Variants in PRIM2 observed in about 807,000 individuals in gnomAD.
PRIM2 encodes the protein DNA primase large subunit.
Under a neutral mutation model 67.3 loss-of-function variants are expected in PRIM2, and 39 were observed. The ratio of observed to expected loss-of-function variants is 0.58; its 90% confidence interval spans 0.45 to 0.76. The LOEUF is 0.76. Among genes scored for constraint, PRIM2 ranks in the 30% least tolerant of loss-of-function variants. PRIM2 has a pLI of 0.00. For synonymous variants in PRIM2, 143 were observed against 198.7 expected, an observed-to-expected ratio of 0.72 and a Z score of 2.36; for missense variants, 398 against 598.7, an observed-to-expected ratio of 0.66 and a Z score of 3.50.
upstream of PRIM2, among the ~76,000 whole-genome samples, chr6:57,312,718 C>T (rs1257331902): frequency 1.3e-5 from 2 of 152,194 alleles, no homozygotes; most frequent in East Asian, 3.8e-4. Flanking sequence ...CATTATCCAT[C>T]TCCAGAACTG....
chr6:57,293,264 T>A, the PRIM2 span, among the ~76,000 whole-genome samples: 1 of 152,158 alleles, frequency 6.6e-6, no homozygotes, highest in Non-Finnish European at 1.5e-5. Context: ...ATTAGAGAAA[T>A]GCAAATCAAA....
Position 57,382,052 on chromosome 6 carries a change from G to T in PRIM2, c.577G>T (p.Asp193Tyr). ...TCAGATCCCTTTTGCTGATGCTCTG[G>T]ATTTGTTTCGAGGAAGGAAAGTCTA... is the stretch of plus-strand genomic sequence containing the variant. ...IYKIPFADALDLFRGRKVYLE... is the reference protein window; with the variant it reads ...IYKIPFADALYLFRGRKVYLE... The change falls in exon 7 of 14, where the codon GAT becomes TAT. Residue 193 changes from aspartate to tyrosine, a missense_variant. By Grantham distance (160) the Asp-to-Tyr change is radical (BLOSUM62 -3). This residue lies in a region of PRIM2 where 229 missense variants were observed against 383.6 expected (regional missense o/e 0.60). Coordinates refer to ENST00000615550, the MANE Select transcript of PRIM2 (RefSeq NM_000947.5). 6.2e-7 allele frequency: 1 copy of T among 1,611,454 alleles called. No individual in the cohort carries two copies. Among genetic ancestry groups the T allele is most frequent in the Non-Finnish European group, 8.5e-7 (1 of 1,178,520 alleles).
chr6:57,450,066 C>T (rs1381145851), intron 7 of PRIM2, among the ~76,000 whole-genome samples: 21 of 152,064 alleles, frequency 1.4e-4, no homozygotes, highest in Non-Finnish European at 3.1e-4. Context: ...AAAATTTATA[C>T]AATCTTTAAA....
At chr6:57,342,557 C>T (rs549482396) in intron 5 of PRIM2, among the ~76,000 whole-genome samples, 1 of 152,270 alleles carries the variant, frequency 6.6e-6, no homozygotes, top group Non-Finnish European at 1.5e-5. Context: ...TTTTTAAAAC[C>T]TCCTTAAGAC....
At chr6:57,383,821 TA>T (rs1394715758) in intron 7 of PRIM2, among the ~76,000 whole-genome samples, 1 of 152,184 alleles carries the variant, frequency 6.6e-6, no homozygotes, top group East Asian at 1.9e-4. Context: ...TTACATGGGA[TA>T]ATGAAGTTTT....
intron 5 of PRIM2, among the ~76,000 whole-genome samples, chr6:57,339,153 G>A (rs919244713): frequency 1.3e-5 from 2 of 152,192 alleles, no homozygotes; most frequent in East Asian, 1.9e-4. Flanking sequence ...TACAAGGGAT[G>A]TGAAGGACCT....
the PRIM2 span, among the ~76,000 whole-genome samples, chr6:57,258,280 G>C: frequency 2.0e-5 from 3 of 152,008 alleles, no homozygotes; most frequent in Non-Finnish European, 2.9e-5. Context: ...AACCCGTAAA[G>C]TATGAGGGCT....
intron 11 of PRIM2, among the ~76,000 whole-genome samples, chr6:57,603,182 C>CT (rs1776501048): frequency 2.6e-5 from 4 of 151,996 alleles, no homozygotes; most frequent in African/African-American, 9.7e-5. Flanking sequence ...TATAGTTGTC[C>CT]CATAGTTCTT....
At chr6:57,440,094 C>T (rs1772154731) in intron 7 of PRIM2, among the ~76,000 whole-genome samples, 1 of 150,322 alleles carries the variant, frequency 6.7e-6, no homozygotes, top group Non-Finnish European at 1.5e-5. Context: ...ATTGAGAATC[C>T]CATCATGTAG....
At chr6:57,290,324 A>G in the PRIM2 span, among the ~76,000 whole-genome samples, 1 of 152,296 alleles carries the variant, frequency 6.6e-6, no homozygotes, top group East Asian at 1.9e-4. Context: ...ATATATATGC[A>G]CCCAATACAG....
At chr6:57,361,597 A>G (rs1456829791) in intron 5 of PRIM2, among the ~76,000 whole-genome samples, 1 of 149,632 alleles carries the variant, frequency 6.7e-6, no homozygotes, top group Non-Finnish European at 1.5e-5. Flanking sequence ...AGATTAATGA[A>G]CAATTGATAA....
chr6:57,533,768 T>C (rs1393154172), intron 9 of PRIM2, among the ~76,000 whole-genome samples: 1 of 152,242 alleles, frequency 6.6e-6, no homozygotes, highest in African/African-American at 2.4e-5. Flanking sequence ...ATTCATTTAA[T>C]GGATATGTAT....
intron 7 of PRIM2, among the ~76,000 whole-genome samples, chr6:57,482,260 A>G (rs1478783327): frequency 6.6e-6 from 1 of 152,054 alleles, no homozygotes; most frequent in Non-Finnish European, 1.5e-5. Context: ...GTTCAGAAAG[A>G]AGTTATAAAT....
At chr6:57,512,849 G>A (rs1164666333) in intron 8 of PRIM2, among the ~76,000 whole-genome samples, 6 of 151,920 alleles carry the variant, frequency 3.9e-5, no homozygotes, top group African/African-American at 1.2e-4. Flanking sequence ...TGCCTGCCTC[G>A]GCCTCCCAAA....
chr6:57,631,701 C>G (rs1777039765), intron 12 of PRIM2, among the ~76,000 whole-genome samples: 2 of 152,112 alleles, frequency 1.3e-5, no homozygotes, highest in African/African-American at 4.8e-5. Context: ...CTGTATAAAC[C>G]ATTAACGTGG....
chr6:57,519,403 G>A (rs1774562203), intron 8 of PRIM2, among the ~76,000 whole-genome samples: 1 of 152,214 alleles, frequency 6.6e-6, no homozygotes, highest in African/African-American at 2.4e-5. Flanking sequence ...GCTACGCCCA[G>A]GGGGGCCGTT....
chr6:57,281,048 T>C, the PRIM2 span, among the ~76,000 whole-genome samples: 1 of 152,204 alleles, frequency 6.6e-6, no homozygotes, highest in Non-Finnish European at 1.5e-5. Context: ...ATATTTGTCT[T>C]TTGTCTTTCT....
chr6:57,456,843 C>G (rs1772805372), intron 7 of PRIM2, among the ~76,000 whole-genome samples: 1 of 152,182 alleles, frequency 6.6e-6, no homozygotes, highest in African/African-American at 2.4e-5. Context: ...AGCTGCGTTC[C>G]TTTGGAGGAG....
intron 12 of PRIM2, among the ~76,000 whole-genome samples, chr6:57,617,390 G>A (rs2127496043): frequency 6.6e-6 from 1 of 152,308 alleles, no homozygotes; most frequent in African/African-American, 2.4e-5. Context: ...TTTAGGTAGT[G>A]GGAGTTAGGA....
Sources: gnomAD v4.1 joint callset for allele counts (sites outside exome capture counted in the v4.1 genomes callset) on GRCh38, gnomAD v4.1.1 for gene constraint, gnomAD v4.1.1 regional missense constraint, MANE v1.5 for transcripts, NCBI Gene and HGNC (gene_info 2026-07-23, HGNC 2026-07-21) for gene names.